Variants in ZNF264 observed in about 807,000 individuals in gnomAD.
ZNF264 encodes the protein zinc finger protein 264.
In ZNF264, 11 loss-of-function variants were observed where a neutral mutation model predicts 11.2. The observed-to-expected ratio is 0.98, with a 90% confidence interval of 0.62 to 1.63. The LOEUF (loss-of-function observed/expected upper bound fraction) is 1.63. Ranked by LOEUF, ZNF264 falls within the 40% of genes most tolerant of loss-of-function variation. The pLI, the probability that ZNF264 is intolerant of heterozygous loss-of-function variation, is 0.00. For missense variants in ZNF264, 752 were observed against 768.1 expected, an observed-to-expected ratio of 0.98 and a Z score of 0.25; for synonymous variants, 309 against 279.8, an observed-to-expected ratio of 1.10 and a Z score of -1.04.
At position 57,191,943 on chromosome 19, in the gene ZNF264, C is replaced by G; in HGVS notation, c.30C>G (p.Ala10=). 1.3e-6 allele frequency: 2 copies of G among 1,538,796 alleles called. No individual in the cohort carries two copies. The highest frequency in any genetic ancestry group is 2.4e-5 in the South Asian group (2 of 83,488). Residue 10 remains alanine (A), a synonymous_variant, in exon 1 of 4, where the codon GCC becomes GCG. Coordinates refer to ENST00000263095, the MANE Select transcript of ZNF264 (RefSeq NM_003417.5). MAAAVLTDR[A]QVSVTFDDVA... ...CGGCAGCGGTGCTGACGGACCGGGC[C>G]CAGGTGAGTGGACGGTGGCTTCGCG...
intron 2 of ZNF264, among the ~76,000 whole-genome samples, chr19:57,198,360 T>C (rs1855308356): frequency 6.6e-6 from 1 of 151,944 alleles, no homozygotes; most frequent in South Asian, 2.1e-4. Flanking sequence ...CCCTGCATCA[T>C]TCAAGTCCTT....
chr19:57,215,608 G>A lies in ZNF264; in HGVS notation c.*2627G>A, dbSNP rs1030604873. 2 of 152,000 alleles carry A rather than the reference G, an allele frequency of 1.3e-5. No individual in the cohort carries two copies. Among genetic ancestry groups the A allele is most frequent in the Non-Finnish European group, 2.9e-5 (2 of 67,982 alleles). 9.4% of individuals were successfully genotyped at this position (152,000 alleles called of 1,614,324 possible). ...GCTCTTTCTAACTTTTCAAGGTGGG[G>A]TTTTAGATTATTGATTTGAGATTTT... is the stretch of plus-strand genomic sequence containing the variant. On this transcript the variant is annotated 3_prime_UTR_variant, in exon 4 of 4. Transcript: ENST00000263095.
Position 57,212,771 on chromosome 19 carries a change from A to G in ZNF264, c.1674A>G (p.Gln558=). The G allele has an allele frequency of 6.2e-7, 1 of 1,614,132 alleles. No individual in the cohort carries two copies. The highest frequency in any genetic ancestry group is 8.5e-7 in the Non-Finnish European group (1 of 1,179,942). ...FSRSSSLTQH[Q]RMHTGKNPIS... ...GCAGCTCGTCCCTCACTCAGCATCA[A>G]AGGATGCATACTGGGAAAAATCCCA... Residue 558 remains glutamine, a synonymous_variant, in exon 4 of 4, where the codon CAA becomes CAG. Coordinates refer to ENST00000263095, the MANE Select transcript of ZNF264 (RefSeq NM_003417.5).
At chr19:57,206,480 C>T (rs554340180) in intron 3 of ZNF264, among the ~76,000 whole-genome samples, 2 of 152,090 alleles carry the variant, frequency 1.3e-5, no homozygotes, top group South Asian at 4.2e-4. Context: ...CCTCGTGATC[C>T]ACCCGCCTCG....
At position 57,212,046 on chromosome 19, in the gene ZNF264, T is replaced by A. The variant is rs758454308; in HGVS notation, c.949T>A (p.Cys317Ser). ...ACACACTGGAGAAAAATCCTTTGTGTGCACAGAATGTGGCCAAGTCTTTCG... is the reference window on the plus strand; with the variant it reads ...ACACACTGGAGAAAAATCCTTTGTGAGCACAGAATGTGGCCAAGTCTTTCG... ...RRHTGEKSFV[C>S]TECGQVFRHR... is the part of the protein sequence containing the mutation. The change falls in exon 4 of 4, where the codon TGC (cysteine) becomes AGC (serine). Residue 317 changes from cysteine to serine, a missense_variant. By Grantham distance (112) the Cys-to-Ser change is moderately radical. Coordinates refer to ENST00000263095, the MANE Select transcript of ZNF264 (RefSeq NM_003417.5). The A allele has an allele frequency of 3.7e-6, 6 of 1,614,076 alleles. No homozygotes were observed. Among genetic ancestry groups the A allele is most frequent in the Non-Finnish European group, 5.1e-6 (6 of 1,180,000 alleles).
intron 2 of ZNF264, among the ~76,000 whole-genome samples, chr19:57,196,805 T>A (rs1456749325): frequency 1.3e-5 from 2 of 151,942 alleles, no homozygotes; most frequent in Non-Finnish European, 2.9e-5. Flanking sequence ...GATTTCTTTG[T>A]CACCAACTTT....
At chr19:57,199,174 C>T (rs1247006802) in intron 2 of ZNF264, among the ~76,000 whole-genome samples, 1 of 151,960 alleles carries the variant, frequency 6.6e-6, no homozygotes, top group Admixed American at 6.6e-5. Context: ...AGTGCCACCA[C>T]TTGGCCCCTG....
rs373820961 is a variant in ZNF264, at chr19:57,202,986, C to G, written c.161-2411C>G. ...GGGAACAGAATTAGAGGACACCCCC[C>G]ACTGGTGTCTGCTGCTTGGAGTTTG... On this transcript the variant is annotated intron_variant, in intron 2 of 3. Transcript: ENST00000263095. Among the ~76,000 whole-genome samples, 18 of 152,240 alleles carry G rather than the reference C, an allele frequency of 1.2e-4. No individual in the cohort carries two copies. In the East Asian group the frequency reaches 2.9e-3, roughly 25 times the overall value.
chr19:57,204,025 A>C (rs2087272556), intron 2 of ZNF264, among the ~76,000 whole-genome samples: 2 of 152,120 alleles, frequency 1.3e-5, no homozygotes, highest in African/African-American at 4.8e-5. Flanking sequence ...TCTCTACTGA[A>C]AATCCAAAAA....
chr19:57,201,716 G>A (rs1293013606), intron 2 of ZNF264, among the ~76,000 whole-genome samples: 1 of 151,858 alleles, frequency 6.6e-6, no homozygotes, highest in Non-Finnish European at 1.5e-5. Context: ...AGGATCTGAG[G>A]AGCACTCCTT....
intron 2 of ZNF264, chr19:57,194,981 G>C (rs896343181): frequency 2.6e-6 from 1 of 384,248 alleles, no homozygotes; most frequent in Non-Finnish European, 4.6e-6. Flanking sequence ...TCAAGTGTCC[G>C]TTTCAAGTGT....
rs61730346 is a variant in ZNF264, at chr19:57,211,814, C to T, written c.717C>T (p.Thr239=). 3,238 of 1,614,156 alleles carry T rather than the reference C, an allele frequency of 2.0e-3. 64 individuals are homozygous for T. The African/African-American group carries it at 0.037, about 18-fold the overall frequency. The change falls in exon 4 of 4, where the codon ACC becomes ACT. Residue 239 remains threonine, a synonymous_variant. Transcript: ENST00000263095. The part of the protein sequence containing the change: ...KPYECTECGK[T]FIKSTHLLQH... ...ATGAATGCACAGAATGTGGGAAAAC[C>T]TTTATTAAGAGCACACATCTCCTGC...
chr19:57,200,598 T>G (rs546325600), intron 2 of ZNF264, among the ~76,000 whole-genome samples: 4 of 147,994 alleles, frequency 2.7e-5, no homozygotes, highest in African/African-American at 5.0e-5. Context: ...GTCTTGTCTT[T>G]TCTCTTTTCC....
chr19:57,200,623 C>T (rs1036979460), intron 2 of ZNF264, among the ~76,000 whole-genome samples: 4 of 150,448 alleles, frequency 2.7e-5, no homozygotes, highest in African/African-American at 9.8e-5. Context: ...CTTTCGTTTT[C>T]TTTTCTTTTC....
rs1043389996 is a variant in ZNF264, at chr19:57,217,260, A to G, written c.*4279A>G. 3.3e-5 allele frequency: 5 copies of G among 152,234 alleles called. No homozygotes were observed. The highest frequency in any genetic ancestry group is 1.2e-4 in the African/African-American group (5 of 41,462). 9.4% of individuals were successfully genotyped at this position (152,234 alleles called of 1,614,324 possible). A position where few individuals can be genotyped will look rare whatever the true frequency, so the allele number is the denominator to read the frequency against. ...TGCATTTTTTAGTGATTGTTCTACT[A>G]TTACAGTGTAAATATATAACTTATG... is the stretch of plus-strand genomic sequence containing the variant. On this transcript the variant is annotated 3_prime_UTR_variant, in exon 4 of 4. Coordinates refer to ENST00000263095, the MANE Select transcript of ZNF264 (RefSeq NM_003417.5).
At chr19:57,194,128 G>A (rs531990935) in intron 2 of ZNF264, 127 bp downstream of exon 2, 1 of 1,362,248 alleles carries the variant, frequency 7.3e-7, no homozygotes, top group African/African-American at 1.5e-5. Flanking sequence ...CACAGCTTTA[G>A]TCATTTTCCA....
chr19:57,192,337 AG>A, intron 1 of ZNF264: 2 of 985,242 alleles, frequency 2.0e-6, no homozygotes, highest in Non-Finnish European at 2.4e-6. Flanking sequence ...AGGGTGTGTA[AG>A]GTTGCCATGG....
rs749880903 is a variant in ZNF264, at chr19:57,212,372, G to A, written c.1275G>A (p.Lys425=). 4 of 1,613,918 alleles carry A rather than the reference G, an allele frequency of 2.5e-6. No individual in the cohort carries two copies. The African/African-American group carries it at 5.3e-5, about 22-fold the overall frequency. The change falls in exon 4 of 4, where the codon AAG becomes AAA. Residue 425 remains lysine, a synonymous_variant. Transcript: ENST00000263095. ...ACCAGCGGATTCACACTGGGGAGAA[G>A]CCCTTCGTGTGCAGTGAATGTGGAA... is the stretch of plus-strand genomic sequence containing the variant. ...KRHQRIHTGE[K]PFVCSECGKA...
rs775972483 is a variant in ZNF264 at position 57,204,646 on chromosome 19, G to A, written c.161-751G>A. On this transcript the variant is annotated intron_variant, in intron 2 of 3. Transcript: ENST00000263095. ...TTCTCTTTATAAATTACCCAGTCTC[G>A]GATATGTCTTTATTAGCAGCGTGAG... 3.9e-5 allele frequency among the ~76,000 whole-genome samples: 6 copies of A among 152,192 alleles called. 1 individual carries two copies. In the South Asian group the frequency reaches 6.2e-4, roughly 16 times the overall value.
Sources: allele counts gnomAD v4.1 joint callset (sites outside exome capture counted in the v4.1 genomes callset), GRCh38; gene constraint gnomAD v4.1.1; transcripts MANE v1.5; gene names NCBI Gene and HGNC (gene_info 2026-07-23, HGNC 2026-07-21).